ESRRB: variants seen among roughly 807,000 people sequenced by gnomAD.
The protein encoded by ESRRB is estrogen related receptor beta.
A neutral mutation model predicts 46.0 loss-of-function variants in ESRRB; 16 were observed. That is an observed-to-expected ratio of 0.35 (90% CI 0.24 to 0.53). ESRRB has a LOEUF of 0.53. Among genes scored for constraint, ESRRB ranks in the 20% least tolerant of loss-of-function variants. The pLI, the probability that ESRRB is intolerant of heterozygous loss-of-function variation, is 0.93. For synonymous variants in ESRRB, 246 were observed against 259.6 expected, an observed-to-expected ratio of 0.95 and a Z score of 0.50; for missense variants, 488 against 607.4, an observed-to-expected ratio of 0.80 and a Z score of 2.07.
intron 1 of ESRRB, among the ~76,000 whole-genome samples, chr14:76,390,427 T>A (rs532431819): frequency 5.9e-5 from 9 of 152,248 alleles, no homozygotes; most frequent in African/African-American, 2.2e-4. Flanking sequence ...AGGTGGAGAT[T>A]GCAATGAGCC....
intron 1 of ESRRB, among the ~76,000 whole-genome samples, chr14:76,336,024 G>A (rs891318365): frequency 6.6e-6 from 1 of 152,220 alleles, no homozygotes; most frequent in African/African-American, 2.4e-5. Flanking sequence ...AACGGGCAGA[G>A]CTGGGATATA....
At chr14:76,432,920 C>T (rs1887517855) in intron 1 of ESRRB, among the ~76,000 whole-genome samples, 1 of 152,054 alleles carries the variant, frequency 6.6e-6, no homozygotes, top group Admixed American at 6.6e-5. Flanking sequence ...AGTCATCTGC[C>T]CACCTTAGCC....
intron 1 of ESRRB, among the ~76,000 whole-genome samples, chr14:76,313,855 T>C (rs889345917): frequency 3.3e-5 from 5 of 152,226 alleles, no homozygotes; most frequent in African/African-American, 1.2e-4. Flanking sequence ...CATTTCTATC[T>C]GGCACAGAAA....
chr14:76,390,758 A>G (rs888707526), intron 1 of ESRRB, among the ~76,000 whole-genome samples: 10 of 152,184 alleles, frequency 6.6e-5, no homozygotes, highest in African/African-American at 2.4e-4. Context: ...GGAAGTAAAA[A>G]CCATGAATTT....
intron 2 of ESRRB, among the ~76,000 whole-genome samples, chr14:76,444,575 G>A (rs747388384): frequency 9.9e-5 from 15 of 151,516 alleles, no homozygotes; most frequent in Non-Finnish European, 1.9e-4. Flanking sequence ...TTGTAGAGAT[G>A]AGGCCTTGCT....
intron 1 of ESRRB, among the ~76,000 whole-genome samples, chr14:76,363,192 T>C (rs915258930): frequency 5.9e-5 from 9 of 152,236 alleles, no homozygotes; most frequent in Admixed American, 1.3e-4. Flanking sequence ...GGTCTCATTA[T>C]GGCCTTTCAA....
At chr14:76,433,596 G>A (rs983658439) in intron 1 of ESRRB, among the ~76,000 whole-genome samples, 6 of 152,160 alleles carry the variant, frequency 3.9e-5, no homozygotes, top group African/African-American at 9.7e-5. Flanking sequence ...AGCTGGTGCT[G>A]CCTGAATGTG....
intron 1 of ESRRB, among the ~76,000 whole-genome samples, chr14:76,406,876 C>T (rs911992096): frequency 5.9e-5 from 9 of 152,324 alleles, no homozygotes; most frequent in South Asian, 2.1e-4. Flanking sequence ...AGGGAGAGTC[C>T]TCTGTTATTG....
At chr14:76,311,456 G>A (rs1883732516) in intron 1 of ESRRB, among the ~76,000 whole-genome samples, 3 of 152,104 alleles carry the variant, frequency 2.0e-5, no homozygotes, top group Non-Finnish European at 4.4e-5. Context: ...CCACAGTCCC[G>A]ATGACCAGTT....
At chr14:76,481,964 C>A in intron 3 of ESRRB, 52 bp from the exon 4 acceptor site, 1 of 1,541,754 alleles carries the variant, frequency 6.5e-7, no homozygotes, top group Non-Finnish European at 9.0e-7. Context: ...AGTGCTTCTA[C>A]CCTGGTGATG....
At chr14:76,471,900 G>T (rs1889387340) in intron 3 of ESRRB, among the ~76,000 whole-genome samples, 1 of 152,196 alleles carries the variant, frequency 6.6e-6, no homozygotes, top group Admixed American at 6.5e-5. Context: ...GCAGTGTCTG[G>T]GATCAGCAGG....
intron 3 of ESRRB, chr14:76,463,445 G>GTTTTTTTTTTTTTTTTTTTT (rs1313130923): frequency 2.6e-5 from 3 of 114,706 alleles, no homozygotes; most frequent in African/African-American, 1.1e-4. Context: ...ATGCTTCTTT[G>GTTTTTTTTTTTTTTTTTTTT]TTTTTTTTTT....
At chr14:76,339,840 A>C (rs1884171343) in intron 1 of ESRRB, among the ~76,000 whole-genome samples, 1 of 152,126 alleles carries the variant, frequency 6.6e-6, no homozygotes, top group African/African-American at 2.4e-5. Context: ...GCACAAAAGG[A>C]CATATTGATT....
chr14:76,381,368 CCTT>C (rs1220282089), intron 1 of ESRRB, among the ~76,000 whole-genome samples: 1 of 152,090 alleles, frequency 6.6e-6, no homozygotes, highest in Non-Finnish European at 1.5e-5. Context: ...AGGCTGCTGA[CCTT>C]CTCTAATAAT....
chr14:76,377,014 G>A (rs1595060845), intron 1 of ESRRB, among the ~76,000 whole-genome samples: 1 of 152,242 alleles, frequency 6.6e-6, no homozygotes, highest in South Asian at 2.1e-4. Context: ...TGCGCACGTG[G>A]CGCGGCGGAT....
chr14:76,488,928 T>C (rs1223495608), intron 5 of ESRRB, among the ~76,000 whole-genome samples: 1 of 152,180 alleles, frequency 6.6e-6, no homozygotes, highest in Non-Finnish European at 1.5e-5. Context: ...CTGTAAACCG[T>C]TGAAGGCAGG....
chr14:76,363,501 T>C (rs533393890), intron 1 of ESRRB, among the ~76,000 whole-genome samples: 9 of 152,244 alleles, frequency 5.9e-5, no homozygotes, highest in Non-Finnish European at 1.0e-4. Context: ...TTTGGCATCA[T>C]TCCATAAAAT....
intron 2 of ESRRB, among the ~76,000 whole-genome samples, chr14:76,454,285 T>C (rs962309027): frequency 2.0e-5 from 3 of 152,172 alleles, no homozygotes; most frequent in African/African-American, 7.2e-5. Context: ...TCAACAGATA[T>C]TAATCGATTT....
intron 1 of ESRRB, among the ~76,000 whole-genome samples, chr14:76,394,573 A>G (rs973429701): frequency 2.6e-5 from 4 of 152,210 alleles, no homozygotes; most frequent in Non-Finnish European, 5.9e-5. Flanking sequence ...TACAGAAGAG[A>G]AAACTGAGGG....
Sources: gnomAD v4.1 joint callset for allele counts (sites outside exome capture counted in the v4.1 genomes callset) on GRCh38, gnomAD v4.1.1 for gene constraint, MANE v1.5 for transcripts, NCBI Gene and HGNC (gene_info 2026-07-23, HGNC 2026-07-21) for gene names.